ADAMTS12: variants seen among roughly 807,000 people sequenced by gnomAD.
ADAMTS12 encodes A disintegrin and metalloproteinase with thrombospondin motifs 12.
In ADAMTS12, 118 loss-of-function variants were observed where a neutral mutation model predicts 167.8. The observed-to-expected ratio is 0.70, with a 90% CI of 0.61 to 0.82. The LOEUF (loss-of-function observed/expected upper bound fraction) is 0.82. ADAMTS12 is among the 40% of genes least tolerant of loss of function. The pLI is 0.00. For missense variants in ADAMTS12, 1,916 were observed against 1,998.8 expected, an observed-to-expected ratio of 0.96 and a Z score of 0.79; for synonymous variants, 704 against 716.9, an observed-to-expected ratio of 0.98 and a Z score of 0.29.
chr5:33,815,981 A>G (rs760317975), intron 2 of ADAMTS12, among the ~76,000 whole-genome samples: 3 of 152,112 alleles, frequency 2.0e-5, no homozygotes, highest in Non-Finnish European at 4.4e-5. Flanking sequence ...TTCATTGCCA[A>G]TTTGCCATCC....
At chr5:33,751,833 T>C (rs1744995665) in intron 2 of ADAMTS12, among the ~76,000 whole-genome samples, 1 of 152,202 alleles carries the variant, frequency 6.6e-6, no homozygotes, top group Non-Finnish European at 1.5e-5. Context: ...ATTCTTTAGG[T>C]TCACAGATTC....
At chr5:33,661,830 T>G in intron 6 of ADAMTS12, 86 bp downstream of exon 6, 1 of 1,560,318 alleles carries the variant, frequency 6.4e-7, no homozygotes. Context: ...AGTGAGAATG[T>G]CATGGGTTTG....
intron 15 of ADAMTS12, among the ~76,000 whole-genome samples, 173 bp downstream of exon 15, chr5:33,615,655 T>A (rs931890347): frequency 1.3e-5 from 2 of 152,290 alleles, no homozygotes; most frequent in African/African-American, 4.8e-5. Context: ...TTCAGCAATA[T>A]CTAGGCAATA....
chr5:33,632,655 G>T (rs1740002985), intron 12 of ADAMTS12, among the ~76,000 whole-genome samples: 1 of 152,150 alleles, frequency 6.6e-6, no homozygotes. Context: ...TGGAATAGAA[G>T]TACTAAAGGG....
At chr5:33,615,688 T>C in intron 15 of ADAMTS12, 140 bp downstream of exon 15, 1 of 1,183,204 alleles carries the variant, frequency 8.5e-7, no homozygotes, top group Non-Finnish European at 1.2e-6. Context: ...CACAAACTAA[T>C]ATCTCATTCC....
chr5:33,745,108 G>A (rs562170521), intron 3 of ADAMTS12, among the ~76,000 whole-genome samples: 8 of 152,206 alleles, frequency 5.3e-5, no homozygotes, highest in Non-Finnish European at 1.2e-4. Flanking sequence ...ATGAACTGCT[G>A]TACCCAGATC....
chr5:33,629,761 T>G (rs1739835112), intron 13 of ADAMTS12, among the ~76,000 whole-genome samples: 1 of 152,218 alleles, frequency 6.6e-6, no homozygotes, highest in African/African-American at 2.4e-5. Context: ...TCTCTTCAAC[T>G]TCTTTCCTTT....
chr5:33,796,526 G>C (rs1746784705), intron 2 of ADAMTS12, among the ~76,000 whole-genome samples: 1 of 152,174 alleles, frequency 6.6e-6, no homozygotes, highest in Non-Finnish European at 1.5e-5. Context: ...CTGACATCCA[G>C]AACTTCTCTT....
chr5:33,839,793 C>T (rs1417550005), intron 2 of ADAMTS12, among the ~76,000 whole-genome samples: 1 of 152,168 alleles, frequency 6.6e-6, no homozygotes, highest in South Asian at 2.1e-4. Context: ...AACATTAGCC[C>T]TGCTTCTCCG....
At chr5:33,731,385 G>A (rs1243426283) in intron 3 of ADAMTS12, among the ~76,000 whole-genome samples, 1 of 152,106 alleles carries the variant, frequency 6.6e-6, no homozygotes, top group East Asian at 1.9e-4. Flanking sequence ...AGTGAGTGTT[G>A]AAGACGACAG....
chr5:33,815,024 G>A lies in ADAMTS12; in HGVS notation c.490-63476C>T, dbSNP rs1174081943. On this transcript the variant is annotated intron_variant, in intron 2 of 23. Coordinates refer to ENST00000504830, the MANE Select transcript of ADAMTS12 (RefSeq NM_030955.4). ...ATGTGGAGCAGAGTTGCCAACTCAG[G>A]TGCTGGGCTTGTCAAGGAGGGTTGT... 2.0e-5 allele frequency among the ~76,000 whole-genome samples: 3 copies of A among 152,202 alleles called. 1 individual carries two copies. The highest frequency in any genetic ancestry group is 2.0e-4 in the Admixed American group (3 of 15,264).
chr5:33,548,454 A>T (rs1168383916), intron 21 of ADAMTS12, among the ~76,000 whole-genome samples: 1 of 152,200 alleles, frequency 6.6e-6, no homozygotes, highest in African/African-American at 2.4e-5. Flanking sequence ...CAAGTATCAT[A>T]GGGAAAGTGC....
In ADAMTS12 at chr5:33,891,732, T is replaced by G; in HGVS notation, c.125A>C (p.Gln42Pro). The change falls in exon 1 of 24, where the codon CAA becomes CCA. Residue 42 changes from glutamine (Q) to proline (P), a missense_variant and splice_region_variant. By Grantham distance (76) the Gln-to-Pro change is moderately conservative (BLOSUM62 -1). Transcript: ENST00000504830. Reference sequence around the variant, plus strand: ...AGAAATAAAGAAGAGTCACTAACCTTGCCTCCTGTCCGGGAAGCGAACCGG... The same window carrying G: ...AGAAATAAAGAAGAGTCACTAACCTGGCCTCCTGTCCGGGAAGCGAACCGG... ...PGPVRFPDRR[Q>P]EHFIKGLPEY... 6.2e-7 allele frequency: 1 copy of G among 1,614,176 alleles called. No homozygotes were observed. The highest frequency in any genetic ancestry group is 8.5e-7 in the Non-Finnish European group (1 of 1,180,014).
At chr5:33,627,214 AGTG>A (rs1156780766) in intron 13 of ADAMTS12, among the ~76,000 whole-genome samples, 67 of 99,236 alleles carry the variant, frequency 6.8e-4, no homozygotes, top group African/African-American at 2.6e-3. Context: ...TGATGGTGGT[AGTG>A]GTGGTGGAGA....
intron 23 of ADAMTS12, among the ~76,000 whole-genome samples, chr5:33,529,980 C>T (rs908433943): frequency 1.3e-5 from 2 of 152,156 alleles, no homozygotes; most frequent in African/African-American, 4.8e-5. Context: ...AGTGCAGTGG[C>T]ACAATCTCGG....
intron 3 of ADAMTS12, among the ~76,000 whole-genome samples, chr5:33,748,221 T>C (rs923241927): frequency 1.3e-5 from 2 of 152,216 alleles, no homozygotes; most frequent in Non-Finnish European, 1.5e-5. Context: ...AGTGTGATCA[T>C]GTTCTCACCA....
At chr5:33,539,598 C>G (rs1293697081) in intron 22 of ADAMTS12, among the ~76,000 whole-genome samples, 1 of 152,136 alleles carries the variant, frequency 6.6e-6, no homozygotes, top group Non-Finnish European at 1.5e-5. Flanking sequence ...AACTCAAGAC[C>G]CACAGCAGCC....
chr5:33,536,882 T>C (rs574544393), intron 22 of ADAMTS12, among the ~76,000 whole-genome samples: 1 of 152,344 alleles, frequency 6.6e-6, no homozygotes, highest in Admixed American at 6.5e-5. Flanking sequence ...TGTATCACAT[T>C]TTCTCTTTTC....
chr5:33,679,808 C>T (rs1742042711), intron 5 of ADAMTS12, among the ~76,000 whole-genome samples: 1 of 152,102 alleles, frequency 6.6e-6, no homozygotes, highest in Admixed American at 6.5e-5. Flanking sequence ...CCTGATGTTC[C>T]ACAACTCTCT....
Sources: gnomAD v4.1 joint callset for allele counts (sites outside exome capture counted in the v4.1 genomes callset) on GRCh38, gnomAD v4.1.1 for gene constraint, MANE v1.5 for transcripts, NCBI Gene and HGNC (gene_info 2026-07-23, HGNC 2026-07-21) for gene names.